Variants in HELLS observed in about 807,000 individuals in gnomAD.
The protein encoded by HELLS is lymphoid-specific helicase.
Under a neutral mutation model 120.0 loss-of-function variants are expected in HELLS, and 32 were observed. The observed-to-expected ratio is 0.27, with a 90% CI of 0.20 to 0.36. The LOEUF (loss-of-function observed/expected upper bound fraction) is 0.36, where lower values mean the gene tolerates loss of function less well. Among genes scored for constraint, HELLS ranks in the 10% least tolerant of loss-of-function variants. The pLI is 1.00. For synonymous variants in HELLS, 341 were observed against 323.4 expected, an observed-to-expected ratio of 1.05 and a Z score of -0.58; for missense variants, 650 against 993.4, an observed-to-expected ratio of 0.65 and a Z score of 4.65.
exon 10 of HELLS, chr10:94,612,578 A>G (rs1475835767): frequency 2.0e-5 from 3 of 152,212 alleles, no homozygotes; most frequent in Non-Finnish European, 4.4e-5. Flanking sequence ...TCTTCGATCA[A>G]TGTAATCCTC....
chr10:94,576,447 G>A (rs1210067568), intron 9 of HELLS, among the ~76,000 whole-genome samples: 2 of 151,984 alleles, frequency 1.3e-5, no homozygotes, highest in Non-Finnish European at 2.9e-5. Flanking sequence ...CCATTGTGCT[G>A]GGCCTGACTT....
At chr10:94,546,623 T>A in intron 2 of HELLS, 125 bp downstream of exon 2, 1 of 1,031,744 alleles carries the variant, frequency 9.7e-7, no homozygotes, top group Non-Finnish European at 1.4e-6. Flanking sequence ...AGAAAACAGC[T>A]TTATTACTTG....
intron 10 of HELLS, 24 bp downstream of exon 10, chr10:94,576,829 C>A: frequency 1.3e-6 from 2 of 1,558,480 alleles, no homozygotes; most frequent in Non-Finnish European, 1.7e-6. Flanking sequence ...TCATTGGTTT[C>A]TTTGTAATAC....
chr10:94,553,975 T>A, intron 2 of HELLS, 151 bp from the exon 3 acceptor site: 1 of 644,204 alleles, frequency 1.6e-6, no homozygotes, highest in Non-Finnish European at 2.6e-6. Context: ...CAAAAACTAT[T>A]TTTTTTTTAA....
chr10:94,600,422 A>G (rs1010003081), intron 21 of HELLS, among the ~76,000 whole-genome samples: 4 of 152,256 alleles, frequency 2.6e-5, no homozygotes, highest in African/African-American at 9.6e-5. Context: ...CCAGGTATAA[A>G]GTCTTATTAA....
intron 6 of HELLS, among the ~76,000 whole-genome samples, chr10:94,568,014 A>C (rs1412302225): frequency 6.8e-6 from 1 of 146,024 alleles, no homozygotes; most frequent in Non-Finnish European, 1.5e-5. Flanking sequence ...GGTTCAAGTG[A>C]TTCTCCTGCC....
Position 94,582,974 on chromosome 10 carries a change from G to T in HELLS, c.1241G>T (p.Trp414Leu). The change falls in exon 12 of 22, where the codon TGG (tryptophan) becomes TTG (leucine). Residue 414 changes from tryptophan to leucine, a missense_variant. Around this residue, in one of 9 missense-constraint regions of HELLS, gnomAD observed 48 missense variants for 127.0 expected, o/e 0.38. Coordinates refer to ENST00000348459, the MANE Select transcript of HELLS (RefSeq NM_018063.5). Reference protein sequence around the residue: ...VFDDLKSFESWFDITSLSETA... With the variant: ...VFDDLKSFESLFDITSLSETA... The stretch of plus-strand genomic sequence containing the variant: ...TTTTTCTCTTCCAGCTTTGAGTCTT[G>T]GTTTGACATCACTAGTCTTTCTGAA... 1 of 1,592,112 alleles carries T rather than the reference G, an allele frequency of 6.3e-7. No individual in the cohort carries two copies. The highest frequency in any genetic ancestry group is 1.1e-5 in the South Asian group (1 of 87,766).
intron 13 of HELLS, among the ~76,000 whole-genome samples, chr10:94,589,850 C>T (rs1845385071): frequency 6.6e-6 from 1 of 151,898 alleles, no homozygotes; most frequent in South Asian, 2.1e-4. Flanking sequence ...CCACGCTTGG[C>T]TAATTTTTTC....
chr10:94,566,771 T>C (rs1843820047), intron 6 of HELLS, among the ~76,000 whole-genome samples: 1 of 151,830 alleles, frequency 6.6e-6, no homozygotes, highest in African/African-American at 2.4e-5. Context: ...CTCAGCTCCC[T>C]GAGTAGTCCA....
At chr10:94,577,791 G>T (rs1418182511) in intron 10 of HELLS, 1 of 152,398 alleles carries the variant, frequency 6.6e-6, no homozygotes, top group East Asian at 1.9e-4. Context: ...GCCGGACGCG[G>T]TGGCTCACGC....
intron 6 of HELLS, among the ~76,000 whole-genome samples, chr10:94,564,080 G>A (rs1376252765): frequency 6.6e-6 from 1 of 152,130 alleles, no homozygotes; most frequent in Non-Finnish European, 1.5e-5. Flanking sequence ...AAAGTGCTGG[G>A]ATTACAGGCG....
At chr10:94,574,866 T>C (rs991472383) in intron 9 of HELLS, 130 bp downstream of exon 9, 42 of 692,718 alleles carry the variant, frequency 6.1e-5, no homozygotes, top group Non-Finnish European at 9.3e-5. Flanking sequence ...CTGATTTGAC[T>C]TACTCAATCT....
downstream of HELLS, among the ~76,000 whole-genome samples, chr10:94,604,377 G>A (rs1368402615): frequency 6.6e-6 from 1 of 151,866 alleles, no homozygotes; most frequent in Non-Finnish European, 1.5e-5. Flanking sequence ...ATCTGCCTCG[G>A]ACTAAGTGCT....
chr10:94,566,726 C>T (rs1843817244), intron 6 of HELLS, among the ~76,000 whole-genome samples: 1 of 151,104 alleles, frequency 6.6e-6, no homozygotes, highest in East Asian at 1.9e-4. Flanking sequence ...CGGCTCACTG[C>T]AACCTCCGTC....
chr10:94,558,045 T>C (rs1843349136), intron 3 of HELLS, 94 bp from the exon 4 acceptor site: 1 of 1,447,236 alleles, frequency 6.9e-7, no homozygotes, highest in Non-Finnish European at 9.2e-7. Context: ...CCTTAGTTTC[T>C]CATTGTAAAC....
chr10:94,590,486 T>C lies in HELLS; in HGVS notation c.1562T>C (p.Ile521Thr). The change falls in exon 14 of 22, where the codon ATA becomes ACA. Residue 521 changes from isoleucine to threonine, a missense_variant. Physicochemically the swap from Ile to Thr is moderately conservative, Grantham distance 89. Around this residue, in one of 9 missense-constraint regions of HELLS, gnomAD observed 191 missense variants for 259.7 expected, o/e 0.74. Transcript: ENST00000348459. The stretch of plus-strand genomic sequence containing the variant: ...AGAAAATCAATAAATTACAGCAAAA[T>C]AGATGATTTCCCTAATGAATTGGAA... ...RTRKSINYSK[I>T]DDFPNELEKL... is the part of the protein sequence containing the mutation. 1 of 1,612,736 alleles carries C rather than the reference T, an allele frequency of 6.2e-7. No individual in the cohort carries two copies. Among genetic ancestry groups the C allele is most frequent in the Non-Finnish European group, 8.5e-7 (1 of 1,179,686 alleles).
At chr10:94,603,551 CTG>C (rs1477896332), downstream of HELLS, among the ~76,000 whole-genome samples, 1 of 152,188 alleles carries the variant, frequency 6.6e-6, no homozygotes, top group African/African-American at 2.4e-5. Flanking sequence ...TTAATGGGAA[CTG>C]TGCTGGTGAC....
intron 17 of HELLS, 142 bp downstream of exon 17, chr10:94,592,656 AT>A: frequency 2.0e-6 from 1 of 501,426 alleles, no homozygotes; most frequent in South Asian, 8.5e-5. Flanking sequence ...AAAAACAAAC[AT>A]TTTGATTTAG....
In HELLS at chr10:94,609,011, C is replaced by CTTTTTTT. The variant is rs71031590; in HGVS notation, c.*2-819_*2-813dup. Among the ~76,000 whole-genome samples the CTTTTTTT allele has an allele frequency of 5.6e-4, 38 of 68,238 alleles. 2 individuals are homozygous for CTTTTTTT. The highest frequency in any genetic ancestry group is 1.8e-3 in the African/African-American group (32 of 17,404). The allele number at this position is 68,238 out of a possible 152,430, so 44.8% of individuals were successfully genotyped here. On this transcript the variant is annotated intron_variant, in intron 9 of 9. Coordinates refer to the HELLS transcript ENST00000371327. ...TTACACTTTTTGTCTGTATCCACCTCTTTTTTTTTTTTTTTTTTTTTTTTT... is the reference window on the plus strand; with the variant it reads ...TTACACTTTTTGTCTGTATCCACCTCTTTTTTTTTTTTTTTTTTTTTTTTTTTTTTTT...
Sources: allele counts gnomAD v4.1 joint callset (sites outside exome capture counted in the v4.1 genomes callset), GRCh38; gene constraint gnomAD v4.1.1; regional missense constraint gnomAD v4.1.1; transcripts MANE v1.5; gene names NCBI Gene and HGNC (gene_info 2026-07-23, HGNC 2026-07-21).